PLS1: variants seen among roughly 807,000 people sequenced by gnomAD.
The protein encoded by PLS1 is plastin 1.
PLS1 carries 32 observed loss-of-function variants against 73.7 expected under a neutral mutation model. The observed-to-expected ratio is 0.43, with a 90% CI of 0.33 to 0.58. The LOEUF is 0.58. PLS1 is among the 20% of genes least tolerant of loss of function. The pLI is 0.04. For missense variants in PLS1, 633 were observed against 740.5 expected (o/e 0.85, Z 1.68); for synonymous variants, 217 against 261.3 (o/e 0.83, Z 1.63).
intron 2 of PLS1, among the ~76,000 whole-genome samples, chr3:142,667,971 C>T (rs905413960): frequency 3.3e-5 from 5 of 152,178 alleles, no homozygotes; most frequent in African/African-American, 1.2e-4. Flanking sequence ...AATATTCTAT[C>T]ATTCTGAACA....
chr3:142,630,908 C>A, intron 1 of PLS1, among the ~76,000 whole-genome samples: 1 of 137,772 alleles, frequency 7.3e-6, no homozygotes, highest in African/African-American at 3.1e-5. Flanking sequence ...ATATATAGAC[C>A]AATGGAACAG....
chr3:142,633,062 A>T (rs893738288), intron 1 of PLS1, among the ~76,000 whole-genome samples: 1 of 152,260 alleles, frequency 6.6e-6, no homozygotes, highest in Non-Finnish European at 1.5e-5. Flanking sequence ...AAAAGAAGGA[A>T]ATCTTGTCAT....
At chr3:142,617,146 A>ATTT (rs71871118) in intron 1 of PLS1, among the ~76,000 whole-genome samples, 12 of 144,574 alleles carry the variant, frequency 8.3e-5, no homozygotes, top group Non-Finnish European at 1.4e-4. Context: ...GATTAGGAAG[A>ATTT]TTTTTTTTTT....
chr3:142,674,833 A>T lies in PLS1; in HGVS notation c.365-1324A>T, dbSNP rs371837546. On this transcript the variant is annotated intron_variant, in intron 4 of 15. Transcript: ENST00000457734. ...AACCTCCGTCTCCCAGATTCAAGCA[A>T]TTCTCCCTGCCTCAGCCTCCAGAGT... Among the ~76,000 whole-genome samples the T allele has an allele frequency of 8.5e-5, 13 of 152,142 alleles. No homozygotes were observed. The East Asian group carries it at 2.1e-3, about 25-fold the overall frequency.
chr3:142,713,042 C>T lies in PLS1; in HGVS notation c.*1035C>T, dbSNP rs1340629928. 3 of 152,468 alleles carry T rather than the reference C, an allele frequency of 2.0e-5. No homozygotes were observed. Among genetic ancestry groups the T allele is most frequent in the African/African-American group, 7.2e-5 (3 of 41,434 alleles). 9.4% of individuals were successfully genotyped at this position (152,468 alleles called of 1,614,324 possible). A position where few individuals can be genotyped will look rare whatever the true frequency, so the allele number is the denominator to read the frequency against. On this transcript the variant is annotated 3_prime_UTR_variant, in exon 16 of 16. Transcript: ENST00000457734. ...AGCCCTATATAATTTAGAATATGCC[C>T]ACTGAATATCTTTAATAGAAAGTAA...
intron 1 of PLS1, among the ~76,000 whole-genome samples, chr3:142,652,149 C>A (rs1388971295): frequency 6.6e-6 from 1 of 152,144 alleles, no homozygotes; most frequent in African/African-American, 2.4e-5. Flanking sequence ...AGCTTGGGGC[C>A]GTGGGGCATC....
chr3:142,648,184 A>G (rs375590630), intron 1 of PLS1, among the ~76,000 whole-genome samples: 1 of 152,202 alleles, frequency 6.6e-6, no homozygotes, highest in African/African-American at 2.4e-5. Flanking sequence ...GAAAAAATTC[A>G]TGGTGGAATT....
chr3:142,605,533 G>T (rs1427376544), intron 1 of PLS1, among the ~76,000 whole-genome samples: 1 of 152,128 alleles, frequency 6.6e-6, no homozygotes, highest in Non-Finnish European at 1.5e-5. Flanking sequence ...ACCATGCCCA[G>T]CTAATTTTTG....
chr3:142,611,058 T>A (rs1229601267), intron 1 of PLS1, among the ~76,000 whole-genome samples: 2 of 152,252 alleles, frequency 1.3e-5, no homozygotes, highest in Admixed American at 6.5e-5. Flanking sequence ...ATAGACAATA[T>A]GTTCACGAAT....
intron 4 of PLS1, among the ~76,000 whole-genome samples, chr3:142,675,317 G>A (rs2037696585): frequency 6.6e-6 from 1 of 152,024 alleles, no homozygotes; most frequent in South Asian, 2.1e-4. Flanking sequence ...AATATATATT[G>A]TGCTCATTTA....
intron 6 of PLS1, among the ~76,000 whole-genome samples, chr3:142,681,407 T>C (rs1170721006): frequency 6.6e-6 from 1 of 152,180 alleles, no homozygotes; most frequent in East Asian, 1.9e-4. Context: ...AATAGGCTTC[T>C]TCAAGAATGG....
In PLS1 at chr3:142,702,964, T is replaced by C. The variant is rs373564232; in HGVS notation, c.1372-904T>C. ...GAAACACATACAAGGCTAAGTATAG[T>C]AGAAGATGGTGCATAAGCATTACAA... On this transcript the variant is annotated intron_variant, in intron 12 of 15. Coordinates refer to ENST00000457734, the MANE Select transcript of PLS1 (RefSeq NM_001145319.2). 3.8e-4 allele frequency among the ~76,000 whole-genome samples: 58 copies of C among 152,276 alleles called. No individual in the cohort carries two copies. In the South Asian group the frequency reaches 8.7e-3, roughly 23 times the overall value.
chr3:142,664,176 T>A, intron 1 of PLS1, 26 bp from the exon 2 acceptor site: 1 of 913,534 alleles, frequency 1.1e-6, no homozygotes, highest in Non-Finnish European at 1.7e-6. Flanking sequence ...GGCTTCATGC[T>A]TTTTTTATAA....
In PLS1 at chr3:142,672,066, C is replaced by CA. The variant is rs527575663; in HGVS notation, c.364+953dup. 6.0e-5 allele frequency among the ~76,000 whole-genome samples: 9 copies of CA among 150,616 alleles called. No homozygotes were observed. The South Asian group carries it at 6.3e-4, about 11-fold the overall frequency. ...TACTGAAGTGGCTTCTTTTTAAAGACAAAAAAAAATTATTAAGGTATAATA... is the reference window on the plus strand; with the variant it reads ...TACTGAAGTGGCTTCTTTTTAAAGACAAAAAAAAAATTATTAAGGTATAATA... On this transcript the variant is annotated intron_variant, in intron 4 of 15. Coordinates refer to ENST00000457734, the MANE Select transcript of PLS1 (RefSeq NM_001145319.2).
intron 1 of PLS1, among the ~76,000 whole-genome samples, chr3:142,611,242 C>A (rs2036115488): frequency 6.6e-6 from 1 of 152,174 alleles, no homozygotes; most frequent in Non-Finnish European, 1.5e-5. Flanking sequence ...CCAGATTTGG[C>A]CTTCAGGCTG....
At chr3:142,608,046 T>C (rs969936951) in intron 1 of PLS1, among the ~76,000 whole-genome samples, 1 of 152,192 alleles carries the variant, frequency 6.6e-6, no homozygotes, top group Non-Finnish European at 1.5e-5. Flanking sequence ...GGGTCTGCCA[T>C]GTTGCCCATG....
At chr3:142,664,932 C>T (rs2037446621) in intron 2 of PLS1, among the ~76,000 whole-genome samples, 2 of 150,968 alleles carry the variant, frequency 1.3e-5, no homozygotes, top group African/African-American at 4.9e-5. Context: ...CTGCAATTTG[C>T]TCTTAGGAAA....
intron 1 of PLS1, among the ~76,000 whole-genome samples, chr3:142,607,292 A>T (rs564990532): frequency 9.4e-4 from 143 of 152,054 alleles, no homozygotes; most frequent in African/African-American, 2.8e-3. Context: ...ATATATATAT[A>T]TTTTTTGAGA....
At chr3:142,620,806 G>T (rs1375139389) in intron 1 of PLS1, among the ~76,000 whole-genome samples, 4 of 152,110 alleles carry the variant, frequency 2.6e-5, no homozygotes, top group Non-Finnish European at 2.9e-5. Context: ...ATCACTTGAG[G>T]TCAGGAGTTC....
Sources: gnomAD v4.1 joint callset for allele counts (sites outside exome capture counted in the v4.1 genomes callset) on GRCh38, gnomAD v4.1.1 for gene constraint, MANE v1.5 for transcripts, NCBI Gene and HGNC (gene_info 2026-07-23, HGNC 2026-07-21) for gene names.